Variants in RORA observed in about 807,000 individuals in gnomAD.
The protein encoded by RORA is RAR related orphan receptor A.
A neutral mutation model predicts 69.5 loss-of-function variants in RORA; 7 were observed. That is an observed-to-expected ratio of 0.10 (90% CI 0.06 to 0.19). The LOEUF (loss-of-function observed/expected upper bound fraction) is 0.19. RORA is among the 10% of genes least tolerant of loss of function. The pLI is 1.00. For synonymous variants in RORA, 261 were observed against 240.8 expected, an observed-to-expected ratio of 1.08 and a Z score of -0.78; for missense variants, 457 against 663.0, an observed-to-expected ratio of 0.69 and a Z score of 3.41.
intron 1 of RORA, among the ~76,000 whole-genome samples, chr15:61,038,601 A>G (rs998153509): frequency 1.3e-4 from 20 of 152,254 alleles, no homozygotes; most frequent in Admixed American, 1.1e-3. Context: ...TGACATCCAG[A>G]AGCAACACGA....
intron 1 of RORA, among the ~76,000 whole-genome samples, chr15:60,697,448 T>G (rs1366525151): frequency 6.6e-6 from 1 of 152,198 alleles, no homozygotes; most frequent in Non-Finnish European, 1.5e-5. Flanking sequence ...AAACACAACC[T>G]TTTTAAGGAT....
At chr15:61,003,356 G>A (rs1037911311) in intron 1 of RORA, among the ~76,000 whole-genome samples, 3 of 151,872 alleles carry the variant, frequency 2.0e-5, no homozygotes, top group East Asian at 3.9e-4. Context: ...TGAAATCTGG[G>A]GATTCCAAAT....
chr15:61,039,561 T>A (rs189087321), intron 1 of RORA, among the ~76,000 whole-genome samples: 4 of 151,732 alleles, frequency 2.6e-5, no homozygotes, highest in Admixed American at 6.6e-5. Flanking sequence ...CTGACCAACA[T>A]GGTGAAACCT....
chr15:60,859,749 C>T (rs2073419395), intron 1 of RORA, among the ~76,000 whole-genome samples: 1 of 148,928 alleles, frequency 6.7e-6, no homozygotes, highest in African/African-American at 2.5e-5. Context: ...TGTGGCCACA[C>T]TGAAGACTCA....
intron 1 of RORA, among the ~76,000 whole-genome samples, chr15:61,038,059 TA>T (rs894268710): frequency 6.6e-6 from 1 of 151,510 alleles, no homozygotes; most frequent in African/African-American, 2.4e-5. Context: ...ACATCGCATT[TA>T]AAAAAAAACC....
At position 61,061,434 on chromosome 15, in the gene RORA, A is replaced by G. The variant is rs2078184998; in HGVS notation, c.166+167619T>C. 6.6e-6 allele frequency among the ~76,000 whole-genome samples: 1 copy of G among 152,088 alleles called. No individual in the cohort carries two copies. Among genetic ancestry groups the G allele is most frequent in the Non-Finnish European group, 1.5e-5 (1 of 68,026 alleles). ...CGCAGGAAGTCCTGATGTCAAGGTAATGCGGCCAGGCATATCTGTTGTTGC... is the reference window on the plus strand; with the variant it reads ...CGCAGGAAGTCCTGATGTCAAGGTAGTGCGGCCAGGCATATCTGTTGTTGC... On this transcript the variant is annotated intron_variant, in intron 1 of 10. Transcript: ENST00000335670. The surrounding 1 kb of genome is among the most constrained non-coding windows in gnomAD (Gnocchi z 4.4).
chr15:61,039,956 A>C (rs1490656858), intron 1 of RORA, among the ~76,000 whole-genome samples: 1 of 150,906 alleles, frequency 6.6e-6, no homozygotes, highest in Non-Finnish European at 1.5e-5. Context: ...AGTGTTAGAA[A>C]ACATTGGTTA....
rs532405252 is a variant in RORA at position 61,034,417 on chromosome 15, T to C, written c.166+194636A>G. 2.0e-5 allele frequency among the ~76,000 whole-genome samples: 3 copies of C among 152,308 alleles called. No homozygotes were observed. In the East Asian group the frequency reaches 5.8e-4, roughly 29 times the overall value. On this transcript the variant is annotated intron_variant, in intron 1 of 10. Transcript: ENST00000335670. ...ATTCCTGGATCTTAGTTGAAAGCTG[T>C]TGCCTTTCTAATTGTTTAACTGATC...
chr15:60,772,309 T>C (rs556134877), intron 1 of RORA, among the ~76,000 whole-genome samples: 116 of 152,072 alleles, frequency 7.6e-4, no homozygotes, highest in African/African-American at 2.6e-3. Flanking sequence ...AATGACACAA[T>C]TGGAGACAAA....
intron 1 of RORA, among the ~76,000 whole-genome samples, chr15:60,916,841 C>T (rs960277657): frequency 6.6e-6 from 1 of 152,196 alleles, no homozygotes; most frequent in Admixed American, 6.5e-5. Flanking sequence ...GTATCACACA[C>T]TCAGGGCCTA....
intron 1 of RORA, among the ~76,000 whole-genome samples, chr15:60,976,198 G>A (rs968227144): frequency 6.6e-6 from 1 of 152,214 alleles, no homozygotes; most frequent in African/African-American, 2.4e-5. Context: ...GATGCTGGCA[G>A]GAGGGGCGTT....
chr15:61,137,176 A>G (rs2079254169), intron 1 of RORA, among the ~76,000 whole-genome samples: 1 of 152,198 alleles, frequency 6.6e-6, no homozygotes, highest in Admixed American at 6.5e-5. Context: ...TAAATGAAAA[A>G]TAAGATCCTA....
chr15:60,870,083 G>A (rs1431604160), intron 1 of RORA, among the ~76,000 whole-genome samples: 3 of 152,174 alleles, frequency 2.0e-5, no homozygotes, highest in Non-Finnish European at 4.4e-5. Context: ...TCAGACATGT[G>A]ACTAGGCCTT....
chr15:60,550,975 A>C (rs1027342096), intron 2 of RORA, among the ~76,000 whole-genome samples: 1 of 152,196 alleles, frequency 6.6e-6, no homozygotes, highest in Admixed American at 6.5e-5. Flanking sequence ...CCCATGCTTC[A>C]ATGCACTTAA....
At chr15:60,875,902 A>G (rs1202407789) in intron 1 of RORA, among the ~76,000 whole-genome samples, 1 of 152,212 alleles carries the variant, frequency 6.6e-6, no homozygotes, top group Non-Finnish European at 1.5e-5. Context: ...GGCAGGCTCC[A>G]GTGGACCACC....
At chr15:60,823,427 G>C (rs933476307) in intron 1 of RORA, among the ~76,000 whole-genome samples, 27 of 152,242 alleles carry the variant, frequency 1.8e-4, no homozygotes, top group African/African-American at 6.5e-4. Context: ...TTATACACTT[G>C]TTTATTTTAT....
At chr15:60,767,935 A>G (rs534686513) in intron 1 of RORA, among the ~76,000 whole-genome samples, 1 of 152,286 alleles carries the variant, frequency 6.6e-6, no homozygotes, top group South Asian at 2.1e-4. Flanking sequence ...GCAGGGCCAC[A>G]TCTCGTTCAT....
At chr15:61,099,385 A>C (rs1290375338) in intron 1 of RORA, among the ~76,000 whole-genome samples, 1 of 152,182 alleles carries the variant, frequency 6.6e-6, no homozygotes, top group Non-Finnish European at 1.5e-5. Flanking sequence ...GACAGTCTAT[A>C]CTGTCCCCCA....
At chr15:60,884,548 G>T (rs1439983435) in intron 1 of RORA, among the ~76,000 whole-genome samples, 2 of 152,134 alleles carry the variant, frequency 1.3e-5, no homozygotes, top group Admixed American at 6.5e-5. Context: ...TGGAGAGAGA[G>T]CAAAAGAATC....
Sources: gnomAD v4.1 joint callset for allele counts (sites outside exome capture counted in the v4.1 genomes callset) on GRCh38, gnomAD v4.1.1 for gene constraint, Gnocchi (gnomAD v3.1) non-coding constraint, MANE v1.5 for transcripts, NCBI Gene and HGNC (gene_info 2026-07-23, HGNC 2026-07-21) for gene names.